The following RC3H2 variants were observed in gnomAD, a reference collection of about 807,000 sequenced individuals.
RC3H2 encodes the protein ring finger and CCCH-type domains 2.
A neutral mutation model predicts 133.3 loss-of-function variants in RC3H2; 31 were observed. The observed-to-expected ratio is 0.23, with a 90% confidence interval of 0.17 to 0.31. The LOEUF (loss-of-function observed/expected upper bound fraction) is 0.31. RC3H2 is among the 10% of genes least tolerant of loss of function. The probability of loss-of-function intolerance (pLI) is 1.00; values close to 1 mark genes in which losing one functional copy is unlikely to be tolerated. For missense variants in RC3H2, 1,175 were observed against 1,437.2 expected (o/e 0.82, Z 2.95); for synonymous variants, 517 against 502.2 (o/e 1.03, Z -0.40).
chr9:122,903,127 C>T (rs1832720576), intron 1 of RC3H2, among the ~76,000 whole-genome samples: 1 of 152,118 alleles, frequency 6.6e-6, no homozygotes, highest in Non-Finnish European at 1.5e-5. Flanking sequence ...TAAAGTAATA[C>T]TTAGAACTTT....
chr9:122,856,045 A>G (rs1276764104), intron 13 of RC3H2, among the ~76,000 whole-genome samples, 167 bp from the exon 14 acceptor site: 2 of 152,250 alleles, frequency 1.3e-5, no homozygotes, highest in Non-Finnish European at 2.9e-5. Context: ...TGGTATTTTT[A>G]CAATAGAAAA....
In RC3H2 at chr9:122,847,404, T is replaced by C. The variant is rs1157314334; in HGVS notation, c.*2223A>G. ...CTCTCAAACTGTTAATAGGTCTCTA[T>C]TTTGTAACAAAATAGCAATTTTAAA... On this transcript the variant is annotated 3_prime_UTR_variant, in exon 21 of 21. Transcript: ENST00000357244. 3 of 152,114 alleles carry C rather than the reference T, an allele frequency of 2.0e-5. No individual in the cohort carries two copies. The highest frequency in any genetic ancestry group is 4.4e-5 in the Non-Finnish European group (3 of 67,984). The allele number at this position is 152,114 out of a possible 1,614,324, so 9.4% of individuals were successfully genotyped here.
At chr9:122,900,945 T>C (rs540723659) in intron 1 of RC3H2, among the ~76,000 whole-genome samples, 33 of 152,290 alleles carry the variant, frequency 2.2e-4, no homozygotes, top group African/African-American at 6.7e-4. Flanking sequence ...AGACTGTAAG[T>C]TCCTTGCTAT....
chr9:122,858,946 G>A lies in RC3H2; in HGVS notation c.2006C>T (p.Ser669Phe). 6.2e-7 allele frequency: 1 copy of A among 1,614,210 alleles called. No homozygotes were observed. The highest frequency in any genetic ancestry group is 8.5e-7 in the Non-Finnish European group (1 of 1,180,034). ...CGGAGGAGGAGGCTGGTAAGGAGAA[G>A]AATTCATTCGATCTCGAGGGGAAAA... ...STFSPRDRMN[S>F]SPYQPPPPQP... Residue 669 changes from serine (S) to phenylalanine (F), a missense_variant, in exon 12 of 21, where the codon TCT becomes TTT. Ser to Phe is a radical substitution (Grantham distance 155). Around this residue, in one of 8 missense-constraint regions of RC3H2, gnomAD observed 490 missense variants for 492.8 expected, o/e 0.99. Transcript: ENST00000357244.
chr9:122,890,268 G>C, intron 4 of RC3H2, 44 bp downstream of exon 4: 1 of 1,504,480 alleles, frequency 6.6e-7, no homozygotes, highest in Non-Finnish European at 9.2e-7. Context: ...GCATCCTCAA[G>C]CCCCAATAGC....
At chr9:122,885,348 T>G (rs1016286444) in intron 4 of RC3H2, among the ~76,000 whole-genome samples, 1 of 152,166 alleles carries the variant, frequency 6.6e-6, no homozygotes, top group Non-Finnish European at 1.5e-5. Flanking sequence ...AACTTTTCAG[T>G]AAATACGAAA....
In RC3H2 at chr9:122,879,847, G is replaced by A. The variant is rs367745578; in HGVS notation, c.1120C>T (p.Leu374=). 1 of 1,614,016 alleles carries A rather than the reference G, an allele frequency of 6.2e-7. No individual in the cohort carries two copies. Among genetic ancestry groups the A allele is most frequent in the Non-Finnish European group, 8.5e-7 (1 of 1,180,024 alleles). ...PDAVSPTWEQ[L]ENAMVAVKTV... is the part of the protein sequence containing the mutation. ...TTAACAGCTACCATTGCATTTTCCA[G>A]CTGCTCCCAAGTTGGTGAAACAGCG... The change falls in exon 8 of 21, where the codon CTG becomes TTG. Residue 374 remains leucine (L), a synonymous_variant. Transcript: ENST00000357244.
rs200840595 is a variant in RC3H2, at chr9:122,851,119, C to G, written c.3342G>C (p.Lys1114Asn). 1.9e-6 allele frequency: 3 copies of G among 1,614,168 alleles called. No individual in the cohort carries two copies. The highest frequency in any genetic ancestry group is 2.5e-6 in the Non-Finnish European group (3 of 1,180,032). Residue 1114 changes from lysine to asparagine, a missense_variant, in exon 20 of 21, where the codon AAG becomes AAC. By Grantham distance (94) the Lys-to-Asn change is moderately conservative (BLOSUM62 0). This residue lies in a region of RC3H2 where 220 missense variants were observed against 201.1 expected (regional missense o/e 1.09). Transcript: ENST00000357244. Reference sequence around the variant, plus strand: ...CTTCACCTAAACTCTGTTTCTTCTGCTTTGGTGGCTCCTTTTGGTGCTGCT... The same window carrying G: ...CTTCACCTAAACTCTGTTTCTTCTGGTTTGGTGGCTCCTTTTGGTGCTGCT... ...PVQQHQKEPP[K>N]QKKQSLGEDH...
chr9:122,867,057 C>T, intron 9 of RC3H2, among the ~76,000 whole-genome samples: 1 of 137,586 alleles, frequency 7.3e-6, no homozygotes, highest in Non-Finnish European at 1.6e-5. Context: ...TGGCCGCGAC[C>T]CCGTCTGGGA....
chr9:122,869,601 C>T (rs1181172764), intron 9 of RC3H2, among the ~76,000 whole-genome samples: 1 of 144,808 alleles, frequency 6.9e-6, no homozygotes, highest in East Asian at 2.0e-4. Context: ...TTTTGCTCGT[C>T]ACCCAGGCTG....
At chr9:122,892,762 C>G in intron 3 of RC3H2, 147 bp downstream of exon 3, 1 of 621,904 alleles carries the variant, frequency 1.6e-6, no homozygotes, top group South Asian at 2.2e-5. Context: ...AATAGGACAA[C>G]ATAATTTTCT....
At position 122,860,032 on chromosome 9, in the gene RC3H2, T is replaced by G. The variant is rs200964914; in HGVS notation, c.1734A>C (p.Lys578Asn). 8.6e-5 allele frequency: 139 copies of G among 1,613,978 alleles called. No homozygotes were observed. Among genetic ancestry groups the G allele is most frequent in the Middle Eastern group, 1.6e-4 (1 of 6,084 alleles). The change falls in exon 11 of 21, where the codon AAA (lysine) becomes AAC (asparagine). Residue 578 changes from lysine to asparagine, a missense_variant. Around this residue, in one of 8 missense-constraint regions of RC3H2, gnomAD observed 490 missense variants for 492.8 expected, o/e 0.99. Transcript: ENST00000357244. ...GTACTCTAGTTAGAAATGGGCTGGA[T>G]TTTTGAGGCACAGAATTCAGCTCTG... ...VGTELNSVPQKSSPFLTRVPV... is the reference protein window; with the variant it reads ...VGTELNSVPQNSSPFLTRVPV...
chr9:122,884,484 T>G (rs1158113650), intron 4 of RC3H2, among the ~76,000 whole-genome samples: 1 of 152,216 alleles, frequency 6.6e-6, no homozygotes, highest in African/African-American at 2.4e-5. Flanking sequence ...ATTTCATTTA[T>G]GTTGCTTTAC....
At chr9:122,885,235 AAATGGTTCAG>A (rs1831865157) in intron 4 of RC3H2, among the ~76,000 whole-genome samples, 2 of 152,186 alleles carry the variant, frequency 1.3e-5, no homozygotes, top group Non-Finnish European at 2.9e-5. Context: ...ACCTACTCTC[AAATGGTTCAG>A]AAGAGAGGGA....
intron 2 of RC3H2, among the ~76,000 whole-genome samples, chr9:122,894,576 G>T (rs1337141270): frequency 6.6e-6 from 1 of 152,060 alleles, no homozygotes; most frequent in Non-Finnish European, 1.5e-5. Flanking sequence ...AGATATGAAT[G>T]AATAAAGAAC....
At chr9:122,861,478 G>A (rs1385480864) in intron 10 of RC3H2, among the ~76,000 whole-genome samples, 3 of 116,078 alleles carry the variant, frequency 2.6e-5, no homozygotes, top group Non-Finnish European at 5.0e-5. Context: ...CAACAAGAGC[G>A]AAACTCCGTC....
chr9:122,865,635 T>A lies in RC3H2; in HGVS notation c.1348A>T (p.Ile450Phe), dbSNP rs773798867. The A allele has an allele frequency of 6.2e-7, 1 of 1,612,326 alleles. No homozygotes were observed. Among genetic ancestry groups the A allele is most frequent in the East Asian group, 2.2e-5 (1 of 44,882 alleles). ...LEKYRLRNKK[I>F]NATVRTFPLL... ...GGAAACGTTCTTACAGTGGCATTGATCTTTTTGTTCCTTAATCGATACCTG... is the reference window on the plus strand; with the variant it reads ...GGAAACGTTCTTACAGTGGCATTGAACTTTTTGTTCCTTAATCGATACCTG... The change falls in exon 10 of 21, where the codon ATC becomes TTC. Residue 450 changes from isoleucine (I) to phenylalanine (F), a missense_variant. By Grantham distance (21) the Ile-to-Phe change is conservative. Coordinates refer to ENST00000357244, the MANE Select transcript of RC3H2 (RefSeq NM_001100588.3).
rs554275926 is a variant in RC3H2, at chr9:122,894,704, A to AC, written c.232-1679dup. Among the ~76,000 whole-genome samples, 495 of 152,232 alleles carry AC rather than the reference A, an allele frequency of 3.3e-3. 2 individuals are homozygous for AC. Among genetic ancestry groups the AC allele is most frequent in the African/African-American group, 0.011 (472 of 41,530 alleles). On this transcript the variant is annotated intron_variant, in intron 2 of 20. Transcript: ENST00000357244. ...AGACCAGCCTGGCCAATATGGCGAG[A>AC]CCCCATCTCTACTAAAAATACAAAA...
At chr9:122,872,165 T>C (rs1440178183) in intron 9 of RC3H2, among the ~76,000 whole-genome samples, 1 of 152,214 alleles carries the variant, frequency 6.6e-6, no homozygotes, top group African/African-American at 2.4e-5. Context: ...CCTGATGCAT[T>C]TCCCATTTCA....
Sources: allele counts gnomAD v4.1 joint callset (sites outside exome capture counted in the v4.1 genomes callset), GRCh38; gene constraint gnomAD v4.1.1; regional missense constraint gnomAD v4.1.1; transcripts MANE v1.5; gene names NCBI Gene and HGNC (gene_info 2026-07-23, HGNC 2026-07-21).